NDUFA10: variants seen among roughly 807,000 people sequenced by gnomAD.
NDUFA10 encodes NADH:ubiquinone oxidoreductase subunit A10, also known as NADH dehydrogenase [ubiquinone] 1 alpha subcomplex subunit 10, mitochondrial.
NDUFA10 carries 40 observed loss-of-function variants against 47.8 expected under a neutral mutation model. The ratio of observed to expected loss-of-function variants is 0.84; its 90% CI spans 0.65 to 1.09. The LOEUF is 1.09. Among genes scored for constraint, NDUFA10 ranks in the 50% least tolerant of loss-of-function variants. NDUFA10 has a pLI of 0.00. For missense variants in NDUFA10, 413 were observed against 451.1 expected (o/e 0.92, Z 0.76); for synonymous variants, 183 against 172.2 (o/e 1.06, Z -0.49).
intron 9 of NDUFA10, among the ~76,000 whole-genome samples, chr2:239,978,493 C>G (rs938650707): frequency 8.5e-5 from 13 of 152,152 alleles, no homozygotes; most frequent in Non-Finnish European, 1.5e-5. Context: ...GTCCTCTTCA[C>G]CAGCTCTTCT....
intron 9 of NDUFA10, among the ~76,000 whole-genome samples, chr2:239,978,705 T>C (rs764367883): frequency 6.6e-6 from 1 of 152,208 alleles, no homozygotes; most frequent in Admixed American, 6.5e-5. Flanking sequence ...TTTAATTAAA[T>C]GTTATGAAAA....
At position 239,977,860 on chromosome 2, in the gene NDUFA10, G is replaced by T. The variant is rs149534944; in HGVS notation, c.999+12214C>A. On this transcript the variant is annotated intron_variant, in intron 9 of 9. Coordinates refer to ENST00000252711, the MANE Select transcript of NDUFA10 (RefSeq NM_004544.4). The stretch of plus-strand genomic sequence containing the variant: ...TGGGTCAGCTGGCTTTCTCAGCTAC[G>T]CTCGCAGCACCCTGGATGTAGGTTC... 1.5e-3 allele frequency among the ~76,000 whole-genome samples: 223 copies of T among 152,270 alleles called. 1 individual carries two copies. The highest frequency in any genetic ancestry group is 5.1e-3 in the African/African-American group (214 of 41,558).
chr2:239,986,311 C>T (rs1000414748), intron 9 of NDUFA10, among the ~76,000 whole-genome samples: 19 of 152,316 alleles, frequency 1.2e-4, no homozygotes, highest in African/African-American at 4.3e-4. Flanking sequence ...CTGGAGAATG[C>T]CTGCCTGCAC....
intron 4 of NDUFA10, among the ~76,000 whole-genome samples, chr2:239,899,860 C>A (rs1219056545): frequency 6.6e-6 from 1 of 152,022 alleles, no homozygotes; most frequent in Non-Finnish European, 1.5e-5. Context: ...GCCCACCCAT[C>A]ATCCACAGTC....
intron 3 of NDUFA10, among the ~76,000 whole-genome samples, chr2:240,018,941 C>T (rs935607831): frequency 2.0e-5 from 3 of 152,200 alleles, no homozygotes; most frequent in African/African-American, 7.2e-5. Context: ...TGCCCACCCC[C>T]ATCCTGCTCC....
rs6714973 is a variant in NDUFA10 at position 239,997,435 on chromosome 2, T to A, written c.891-7253A>T. ...AGTAAAACAAATACTTGTATGGGTA[T>A]CAGAATCGAAAGTTTTTGTTTGCAT... is the stretch of plus-strand genomic sequence containing the variant. On this transcript the variant is annotated intron_variant, in intron 8 of 9. Transcript: ENST00000252711. 8.5e-3 allele frequency among the ~76,000 whole-genome samples: 1,288 copies of A among 152,364 alleles called. 17 individuals carry two copies. The highest frequency in any genetic ancestry group is 0.03 in the African/African-American group (1,229 of 41,584).
intron 4 of NDUFA10, chr2:240,018,040 T>G (rs959541599): frequency 1.4e-6 from 1 of 727,232 alleles, no homozygotes; most frequent in African/African-American, 1.8e-5. Context: ...AGGGGGTCTT[T>G]GTTCCTTTCC....
intron 7 of NDUFA10, 83 bp from the exon 8 acceptor site, chr2:240,005,378 C>T (rs1056171822): frequency 1.8e-5 from 20 of 1,117,908 alleles, no homozygotes; most frequent in African/African-American, 1.1e-4. Flanking sequence ...AGACAGGGTC[C>T]GGCTCTATCA....
intron 5 of NDUFA10, chr2:240,013,939 C>G (rs1697233445): frequency 1.3e-5 from 2 of 152,332 alleles, no homozygotes; most frequent in South Asian, 2.1e-4. Flanking sequence ...AAAAAATTAG[C>G]CGGGCATGGT....
chr2:239,912,261 CCT>C (rs1693768516), intron 4 of NDUFA10, among the ~76,000 whole-genome samples: 1 of 152,084 alleles, frequency 6.6e-6, no homozygotes, highest in Non-Finnish European at 1.5e-5. Flanking sequence ...GGGAACATCT[CCT>C]CCAGGATTCT....
intron 8 of NDUFA10, among the ~76,000 whole-genome samples, chr2:239,991,542 G>A (rs1368875665): frequency 6.6e-6 from 1 of 152,060 alleles, no homozygotes; most frequent in Non-Finnish European, 1.5e-5. Flanking sequence ...GTTTGTGAAG[G>A]GCATAAAGTT....
intron 5 of NDUFA10, 79 bp from the exon 6 acceptor site, chr2:240,011,775 G>C: frequency 8.2e-7 from 1 of 1,213,808 alleles, no homozygotes; most frequent in Non-Finnish European, 1.2e-6. Context: ...AAAATGCGAA[G>C]ACAATCACTG....
chr2:239,989,184 C>T lies in NDUFA10; in HGVS notation c.999+890G>A, dbSNP rs572932189. ...ATGGTTTTATGTGTTTTCCCCAAAT[C>T]CTCACACTGAATAAAACCACTTCCA... On this transcript the variant is annotated intron_variant, in intron 9 of 9. Coordinates refer to ENST00000252711, the MANE Select transcript of NDUFA10 (RefSeq NM_004544.4). 1.6e-4 allele frequency among the ~76,000 whole-genome samples: 25 copies of T among 152,340 alleles called. No homozygotes were observed. The South Asian group carries it at 5.2e-3, about 32-fold the overall frequency.
At chr2:239,988,858 GCA>G (rs568778795) in intron 9 of NDUFA10, among the ~76,000 whole-genome samples, 1 of 151,078 alleles carries the variant, frequency 6.6e-6, no homozygotes, top group African/African-American at 2.4e-5. Flanking sequence ...GGGAGACACA[GCA>G]CACACACTCA....
chr2:240,001,820 CAG>C (rs1290722925), intron 8 of NDUFA10, among the ~76,000 whole-genome samples: 1 of 152,164 alleles, frequency 6.6e-6, no homozygotes, highest in South Asian at 2.1e-4. Flanking sequence ...TTCAATGACT[CAG>C]AGAAACTTCT....
chr2:239,953,731 C>G (rs551885200), downstream of NDUFA10, among the ~76,000 whole-genome samples: 1 of 152,348 alleles, frequency 6.6e-6, no homozygotes, highest in African/African-American at 2.4e-5. Flanking sequence ...CAACCACAGG[C>G]AGCCAGGCAG....
chr2:240,009,629 A>G (rs1697067205), intron 6 of NDUFA10, among the ~76,000 whole-genome samples: 1 of 152,258 alleles, frequency 6.6e-6, no homozygotes, highest in South Asian at 2.1e-4. Context: ...ACCATGTATC[A>G]GCACGTGACA....
intron 4 of NDUFA10, among the ~76,000 whole-genome samples, chr2:239,948,470 G>A (rs1574799119): frequency 6.6e-6 from 1 of 152,244 alleles, no homozygotes; most frequent in African/African-American, 2.4e-5. Flanking sequence ...CTCACTTGAC[G>A]TTGTTCAGGG....
intron 4 of NDUFA10, among the ~76,000 whole-genome samples, chr2:239,952,137 CA>C (rs1314156588): frequency 6.6e-6 from 1 of 152,042 alleles, no homozygotes; most frequent in East Asian, 1.9e-4. Flanking sequence ...TCGCAGAGGG[CA>C]GACAGCCTGG....
Sources: allele counts gnomAD v4.1 joint callset (sites outside exome capture counted in the v4.1 genomes callset), GRCh38; gene constraint gnomAD v4.1.1; transcripts MANE v1.5; gene names NCBI Gene and HGNC (gene_info 2026-07-23, HGNC 2026-07-21).